Variants in PCDH11Y observed in about 807,000 individuals in gnomAD.
PCDH11Y encodes protocadherin-11 Y-linked.
For missense variants in PCDH11Y, 12 were observed against 224.8 expected, an observed-to-expected ratio of 0.05 and a Z score of 6.05; for synonymous variants, 9 against 83.6, an observed-to-expected ratio of 0.11 and a Z score of 4.87.
chrY:5,276,275 G>A (rs2053044381), intron 2 of PCDH11Y, among the ~76,000 whole-genome samples: 3 of 32,960 alleles, frequency 9.1e-5, no homozygotes. Context: ...AAATGGGTGT[G>A]AAGTATATTA....
chrY:5,700,128 G>T, intron 4 of PCDH11Y, among the ~76,000 whole-genome samples: 1 of 32,431 alleles, frequency 3.1e-5, no homozygotes, highest in Non-Finnish European at 7.6e-5. Context: ...CTTCTAATCA[G>T]CAATCTTGAC....
intron 4 of PCDH11Y, among the ~76,000 whole-genome samples, chrY:5,710,962 C>T: frequency 3.1e-5 from 1 of 32,223 alleles, no homozygotes; most frequent in Non-Finnish European, 7.5e-5. Flanking sequence ...GATATCTCCT[C>T]TACTCTCTTT....
chrY:5,348,171 A>C, intron 2 of PCDH11Y, among the ~76,000 whole-genome samples: 1 of 28,830 alleles, frequency 3.5e-5, no homozygotes, highest in Admixed American at 3.4e-4. Flanking sequence ...TATTTCTTCT[A>C]CTCCAACCTA....
chrY:5,117,044 G>A (rs2052811643), intron 2 of PCDH11Y, among the ~76,000 whole-genome samples: 1 of 32,191 alleles, frequency 3.1e-5, no homozygotes, highest in African/African-American at 1.2e-4. Flanking sequence ...AAAGAAACAT[G>A]CTGTAGTTCA....
At chrY:5,170,002 A>G in intron 2 of PCDH11Y, among the ~76,000 whole-genome samples, 1 of 31,042 alleles carries the variant, frequency 3.2e-5, no homozygotes, top group Admixed American at 3.1e-4. Flanking sequence ...ATTGTAAATG[A>G]CCATAAAAAA....
At chrY:5,693,767 A>G in intron 4 of PCDH11Y, among the ~76,000 whole-genome samples, 1 of 33,178 alleles carries the variant, frequency 3.0e-5, no homozygotes, top group Admixed American at 2.8e-4. Context: ...AAAATAATAT[A>G]ATAAACCCGT....
intron 4 of PCDH11Y, among the ~76,000 whole-genome samples, chrY:5,663,588 G>A: frequency 3.0e-5 from 1 of 33,258 alleles, no homozygotes; most frequent in Non-Finnish European, 7.4e-5. Context: ...GAATACAAGA[G>A]AAATTATTCA....
intron 3 of PCDH11Y, among the ~76,000 whole-genome samples, chrY:5,566,069 G>A (rs2053434764): frequency 3.8e-5 from 1 of 25,999 alleles, no homozygotes; most frequent in African/African-American, 1.5e-4. Context: ...CACCTCCTGG[G>A]TTCAAGCAAT....
Position 5,632,067 on chromosome Y carries a change from A to G in PCDH11Y, c.3352+50269A>G, listed in dbSNP as rs1602954344. Among the ~76,000 whole-genome samples, 3 of 32,505 alleles carry G rather than the reference A, an allele frequency of 9.2e-5. No individual in the cohort carries two copies. The East Asian group carries it at 2.4e-3, about 26-fold the overall frequency. 87.2% of individuals were successfully genotyped at this position (32,505 alleles called of 37,273 possible). A position where few individuals can be genotyped will look rare whatever the true frequency, so the allele number is the denominator to read the frequency against. ...CTCAGTTTTCTAATCTCTCAGGTGG[A>G]GATAATATTAGTACCTACCTCATGG... On this transcript the variant is annotated intron_variant, in intron 4 of 4. Transcript: ENST00000400457.
intron 2 of PCDH11Y, among the ~76,000 whole-genome samples, chrY:5,260,760 C>T: frequency 3.4e-5 from 1 of 29,729 alleles, no homozygotes; most frequent in African/African-American, 1.3e-4. Flanking sequence ...TACTGATGCT[C>T]GTAGATGTTT....
intron 4 of PCDH11Y, among the ~76,000 whole-genome samples, chrY:5,596,947 A>G (rs2053467417): frequency 3.2e-5 from 1 of 31,062 alleles, no homozygotes; most frequent in African/African-American, 1.3e-4. Flanking sequence ...AAAGTTCATT[A>G]TACAAATTCC....
At chrY:5,713,598 G>A in intron 4 of PCDH11Y, among the ~76,000 whole-genome samples, 1 of 30,520 alleles carries the variant, frequency 3.3e-5, no homozygotes, top group Non-Finnish European at 7.8e-5. Context: ...ATGTTATTAT[G>A]TGCCACAGAG....
At chrY:5,434,520 ATCTCTCTCTCTCTCTCTCTTTCTC>A (rs2053271886) in intron 2 of PCDH11Y, among the ~76,000 whole-genome samples, 1 of 29,031 alleles carries the variant, frequency 3.4e-5, no homozygotes, top group Non-Finnish European at 8.3e-5. Flanking sequence ...TGATCTCATG[ATCTCTCTCTCTCTCTCTCTTTCTC>A]TCTCTCTCTC....
chrY:5,405,993 G>A, intron 2 of PCDH11Y, among the ~76,000 whole-genome samples: 1 of 31,882 alleles, frequency 3.1e-5, no homozygotes, highest in African/African-American at 1.2e-4. Flanking sequence ...CTTTGGAAAT[G>A]AAACAGAGTG....
chrY:5,491,393 G>A, intron 2 of PCDH11Y, among the ~76,000 whole-genome samples: 1 of 33,183 alleles, frequency 3.0e-5, no homozygotes, highest in Non-Finnish European at 7.4e-5. Flanking sequence ...TACCCACTCC[G>A]TGTCTTCTGA....
At chrY:5,199,397 C>T (rs2052924697) in intron 2 of PCDH11Y, among the ~76,000 whole-genome samples, 1 of 31,435 alleles carries the variant, frequency 3.2e-5, no homozygotes, top group African/African-American at 1.3e-4. Context: ...AATTGATTCT[C>T]CTGCCTCAGC....
intron 2 of PCDH11Y, among the ~76,000 whole-genome samples, chrY:5,336,426 T>A (rs77078825): frequency 1.0e-4 from 3 of 29,925 alleles, no homozygotes; most frequent in Admixed American, 9.5e-4. Flanking sequence ...GCCTGCCACC[T>A]CGCCCGGCTA....
intron 2 of PCDH11Y, among the ~76,000 whole-genome samples, chrY:5,178,265 C>T: frequency 3.0e-5 from 1 of 33,371 alleles, no homozygotes; most frequent in Non-Finnish European, 7.5e-5. Context: ...TTGCTATCTA[C>T]CTTTGATATT....
chrY:5,152,063 C>T, intron 2 of PCDH11Y, among the ~76,000 whole-genome samples: 1 of 21,098 alleles, frequency 4.7e-5, no homozygotes, highest in Non-Finnish European at 1.1e-4. Flanking sequence ...AGTACACTTT[C>T]GGATACCCTC....
Sources: gnomAD v4.1 joint callset for allele counts (sites outside exome capture counted in the v4.1 genomes callset) on GRCh38, gnomAD v4.1.1 for gene constraint, MANE v1.5 for transcripts, NCBI Gene and HGNC (gene_info 2026-07-23, HGNC 2026-07-21) for gene names.